SPEN: variants seen among roughly 807,000 people sequenced by gnomAD.
SPEN encodes msx2-interacting protein.
In SPEN, 18 loss-of-function variants were observed where a neutral mutation model predicts 269.9. The ratio of observed to expected loss-of-function variants is 0.07; its 90% CI spans 0.05 to 0.10. The LOEUF is 0.10. Ranked by LOEUF, SPEN falls within the 10% of genes least tolerant of loss-of-function variation. The pLI, the probability that SPEN is intolerant of heterozygous loss-of-function variation, is 1.00. For synonymous variants in SPEN, 1,726 were observed against 1,765.7 expected, an observed-to-expected ratio of 0.98 and a Z score of 0.56; for missense variants, 3,822 against 4,631.2, an observed-to-expected ratio of 0.83 and a Z score of 5.07.
In SPEN at chr1:15,929,827, A is replaced by G; in HGVS notation, c.3587A>G (p.Lys1196Arg). The G allele has an allele frequency of 6.2e-7, 1 of 1,614,182 alleles. No homozygotes were observed. Among genetic ancestry groups the G allele is most frequent in the East Asian group, 2.2e-5 (1 of 44,890 alleles). ...AAGTCTGAGAAGTTTGGCAGTCCTA[A>G]AAAAGATGTAGATGAATATGAAAGA... ...IAKSEKFGSPKKDVDEYERRS... is the reference protein window; with the variant it reads ...IAKSEKFGSPRKDVDEYERRS... The change falls in exon 11 of 15, where the codon AAA becomes AGA. Residue 1196 changes from lysine (K) to arginine (R), a missense_variant. Physicochemically the swap from Lys to Arg is conservative, Grantham distance 26. Transcript: ENST00000375759. The surrounding 1 kb of genome is among the most constrained non-coding windows in gnomAD (Gnocchi z 5.8).
chr1:15,913,361 G>A (rs1386885847), intron 5 of SPEN, among the ~76,000 whole-genome samples: 3 of 152,046 alleles, frequency 2.0e-5, no homozygotes, highest in Admixed American at 1.3e-4. Context: ...TGGTTGTGAA[G>A]GTTAAGTGGA....
chr1:15,911,373 A>G, intron 5 of SPEN, 72 bp downstream of exon 5: 1 of 1,243,822 alleles, frequency 8.0e-7, no homozygotes, highest in Non-Finnish European at 1.2e-6. Flanking sequence ...ATGAGAGGGC[A>G]GCATATGATC....
intron 9 of SPEN, 26 bp downstream of exon 9, chr1:15,921,009 G>A: frequency 7.0e-7 from 1 of 1,430,830 alleles, no homozygotes; most frequent in Non-Finnish European, 9.8e-7. Flanking sequence ...TTAAACAGAA[G>A]CAAAACAAAG....
intron 5 of SPEN, among the ~76,000 whole-genome samples, chr1:15,911,895 A>G (rs988211537): frequency 9.9e-5 from 15 of 152,272 alleles, no homozygotes; most frequent in African/African-American, 3.6e-4. Context: ...CGGGAGGTCA[A>G]GGTTGTAGTG....
In SPEN at chr1:15,935,623, A is replaced by G; in HGVS notation, c.9383A>G (p.Gln3128Arg). Residue 3128 changes from glutamine (Q) to arginine (R), a missense_variant, in exon 11 of 15, where the codon CAA becomes CGA. By Grantham distance (43) the Gln-to-Arg change is conservative. This residue lies in a region of SPEN where 153 missense variants were observed against 228.5 expected (regional missense o/e 0.67). Transcript: ENST00000375759. This position sits in a 1 kb window ranked among gnomAD's most constrained non-coding sequence, Gnocchi z 7.7. The part of the protein sequence containing the change: ...HSPRAPLQPQ[Q>R]IEVRAPQRAS... ...CCTCGGGCTCCGCTGCAGCCCCAGC[A>G]AATAGAGGTCAGGGCCCCACAGCGT... 6.2e-7 allele frequency: 1 copy of G among 1,614,084 alleles called. No individual in the cohort carries two copies. Among genetic ancestry groups the G allele is most frequent in the Non-Finnish European group, 8.5e-7 (1 of 1,179,996 alleles).
chr1:15,937,350 C>T lies in SPEN; in HGVS notation c.10214C>T (p.Pro3405Leu). 1 of 1,614,006 alleles carries T rather than the reference C, an allele frequency of 6.2e-7. No individual in the cohort carries two copies. Among genetic ancestry groups the T allele is most frequent in the Non-Finnish European group, 8.5e-7 (1 of 1,180,020 alleles). ...ACGGGAGTAGAGCAGCCTCGCCTCCCAGCTGGACCTGCAAACAGGCCACCT... is the reference window on the plus strand; with the variant it reads ...ACGGGAGTAGAGCAGCCTCGCCTCCTAGCTGGACCTGCAAACAGGCCACCT... ...TQTGVEQPRLPAGPANRPPEP... is the reference protein window; with the variant it reads ...TQTGVEQPRLLAGPANRPPEP... Residue 3405 changes from proline to leucine, a missense_variant, in exon 12 of 15, where the codon CCA becomes CTA. Around this residue, in one of 16 missense-constraint regions of SPEN, gnomAD observed 359 missense variants for 377.3 expected, o/e 0.95. Transcript: ENST00000375759. This position sits in a 1 kb window ranked among gnomAD's most constrained non-coding sequence, Gnocchi z 5.7.
In SPEN at chr1:15,928,537, G is replaced by A. The variant is rs770172428; in HGVS notation, c.2297G>A (p.Cys766Tyr). 38 of 1,614,036 alleles carry A rather than the reference G, an allele frequency of 2.4e-5. No individual in the cohort carries two copies. Among genetic ancestry groups the A allele is most frequent in the South Asian group, 1.1e-5 (1 of 91,090 alleles). ...YSRSSDRSGS[C>Y]SSLSPPRYEK... Reference sequence around the variant, plus strand: ...CGATCCTCAGACCGGAGTGGAAGCTGTAGCTCACTCTCCCCTCCAAGATAT... The same window carrying A: ...CGATCCTCAGACCGGAGTGGAAGCTATAGCTCACTCTCCCCTCCAAGATAT... The change falls in exon 11 of 15, where the codon TGT (cysteine) becomes TAT (tyrosine). Residue 766 changes from cysteine (C) to tyrosine (Y), a missense_variant. This residue lies in a region of SPEN where 572 missense variants were observed against 582.6 expected (regional missense o/e 0.98). Transcript: ENST00000375759. This position sits in a 1 kb window ranked among gnomAD's most constrained non-coding sequence, Gnocchi z 5.7.
At chr1:15,868,561 A>C (rs1294675776) in intron 1 of SPEN, among the ~76,000 whole-genome samples, 1 of 151,856 alleles carries the variant, frequency 6.6e-6, no homozygotes, top group Non-Finnish European at 1.5e-5. Context: ...CAGCCTCCCA[A>C]GTAGCTGGGA....
chr1:15,882,088 T>G (rs1372309161), intron 3 of SPEN, among the ~76,000 whole-genome samples: 1 of 152,138 alleles, frequency 6.6e-6, no homozygotes, highest in Non-Finnish European at 1.5e-5. Flanking sequence ...AGTTGTGAAG[T>G]CCTTATAAAT....
rs371506900 is a variant in SPEN, at chr1:15,933,892, C to G, written c.7652C>G (p.Ser2551Cys). Residue 2551 changes from serine (S) to cysteine (C), a missense_variant, in exon 11 of 15, where the codon TCC becomes TGC. By Grantham distance (112) the Ser-to-Cys change is moderately radical (BLOSUM62 -1). Coordinates refer to ENST00000375759, the MANE Select transcript of SPEN (RefSeq NM_015001.3). The surrounding 1 kb of genome is among the most constrained non-coding windows in gnomAD (Gnocchi z 5.7). The stretch of plus-strand genomic sequence containing the variant: ...TATGTGTCTGCCACAAGTGTCACTT[C>G]CACAAGTGTCACCACAGCCATTGCA... ...PKYVSATSVT[S>C]TSVTTAIAEP... The G allele has an allele frequency of 3.1e-6, 5 of 1,614,014 alleles. No homozygotes were observed. In the Admixed American group the frequency reaches 8.3e-5, roughly 27 times the overall value.
intron 9 of SPEN, among the ~76,000 whole-genome samples, chr1:15,921,527 G>A (rs2148734379): frequency 6.6e-6 from 1 of 152,282 alleles, no homozygotes; most frequent in South Asian, 2.1e-4. Flanking sequence ...TCAAAGAAGT[G>A]TGCTTCTCAG....
chr1:15,869,136 A>G (rs922900308), intron 1 of SPEN, among the ~76,000 whole-genome samples: 1 of 152,012 alleles, frequency 6.6e-6, no homozygotes, highest in Non-Finnish European at 1.5e-5. Context: ...GGCTCACTGT[A>G]GTCTCTGCCT....
At chr1:15,914,594 G>A (rs1351798314) in intron 5 of SPEN, among the ~76,000 whole-genome samples, 3 of 152,074 alleles carry the variant, frequency 2.0e-5, no homozygotes, top group Admixed American at 1.3e-4. Flanking sequence ...AGGTTGAGGC[G>A]GGCGGATCAC....
intron 5 of SPEN, 93 bp from the exon 6 acceptor site, chr1:15,916,035 A>G: frequency 7.1e-7 from 1 of 1,409,890 alleles, no homozygotes; most frequent in Non-Finnish European, 9.5e-7. Context: ...TATTTCAGAC[A>G]TTTTGTTTTT....
chr1:15,886,030 A>G (rs957092439), intron 3 of SPEN, among the ~76,000 whole-genome samples: 9 of 152,208 alleles, frequency 5.9e-5, no homozygotes, highest in African/African-American at 2.2e-4. Context: ...TCTGGTAGGC[A>G]TAGCTCTCAT....
chr1:15,928,104 G>A lies in SPEN; in HGVS notation c.1864G>A (p.Ala622Thr). The change falls in exon 11 of 15, where the codon GCA (alanine) becomes ACA (threonine). Residue 622 changes from alanine (A) to threonine (T), a missense_variant. This residue lies in a region of SPEN where 230 missense variants were observed against 426.1 expected (regional missense o/e 0.54). Transcript: ENST00000375759. The surrounding 1 kb of genome is among the most constrained non-coding windows in gnomAD (Gnocchi z 5.7). The part of the protein sequence containing the change: ...MLAERREERR[A>T]SYDYNQDRTY... ...ATTTTTTGGCAGAGAGGAACGAAGG[G>A]CATCCTACGACTATAACCAAGATCG... 6.3e-7 allele frequency: 1 copy of A among 1,594,748 alleles called. No homozygotes were observed. Among genetic ancestry groups the A allele is most frequent in the South Asian group, 1.1e-5 (1 of 88,810 alleles).
intron 3 of SPEN, among the ~76,000 whole-genome samples, chr1:15,898,852 T>G (rs1246714473): frequency 6.6e-6 from 1 of 152,172 alleles, no homozygotes; most frequent in Non-Finnish European, 1.5e-5. Context: ...CGTGAGCCAC[T>G]GCACCCAGCC....
At chr1:15,882,626 C>G (rs1340315429) in intron 3 of SPEN, among the ~76,000 whole-genome samples, 2 of 152,166 alleles carry the variant, frequency 1.3e-5, no homozygotes, top group Non-Finnish European at 2.9e-5. Flanking sequence ...TACCACTGCA[C>G]TCCAGCCTGG....
In SPEN at chr1:15,937,980, C is replaced by G; in HGVS notation, c.10678C>G (p.Leu3560Val). The G allele has an allele frequency of 6.2e-7, 1 of 1,611,344 alleles. No homozygotes were observed. The part of the protein sequence containing the change: ...AQRMRLEATQ[L>V]EGVARRMTVE... ...GAGGATGCGGCTGGAGGCAACGCAGCTGGAAGGGGTTGCCCGAAGGATGAC... is the reference window on the plus strand; with the variant it reads ...GAGGATGCGGCTGGAGGCAACGCAGGTGGAAGGGGTTGCCCGAAGGATGAC... Residue 3560 changes from leucine to valine, a missense_variant, in exon 13 of 15, where the codon CTG (leucine) becomes GTG (valine). This residue lies in a region of SPEN where 103 missense variants were observed against 215.8 expected (regional missense o/e 0.48). Coordinates refer to ENST00000375759, the MANE Select transcript of SPEN (RefSeq NM_015001.3). The surrounding 1 kb of genome is among the most constrained non-coding windows in gnomAD (Gnocchi z 5.7).
Sources: gnomAD v4.1 joint callset for allele counts (sites outside exome capture counted in the v4.1 genomes callset) on GRCh38, gnomAD v4.1.1 for gene constraint, gnomAD v4.1.1 regional missense constraint, Gnocchi (gnomAD v3.1) non-coding constraint, MANE v1.5 for transcripts, NCBI Gene and HGNC (gene_info 2026-07-23, HGNC 2026-07-21) for gene names.